RNF220: variants seen among roughly 807,000 people sequenced by gnomAD.
The protein encoded by RNF220 is E3 ubiquitin-protein ligase RNF220.
In RNF220, 7 loss-of-function variants were observed where a neutral mutation model predicts 67.1. The observed-to-expected ratio is 0.10, with a 90% CI of 0.06 to 0.20. The LOEUF is 0.20. RNF220 is among the 10% of genes least tolerant of loss of function. The pLI is 1.00. For missense variants in RNF220, 565 were observed against 740.3 expected (o/e 0.76, Z 2.75); for synonymous variants, 270 against 283.2 (o/e 0.95, Z 0.47).
At chr1:44,450,829 A>G (rs1557937972) in intron 2 of RNF220, among the ~76,000 whole-genome samples, 2 of 152,194 alleles carry the variant, frequency 1.3e-5, no homozygotes. Context: ...GCAAGTTTCT[A>G]GAAGTGGAAG....
At chr1:44,588,804 T>G (rs1306233853) in intron 2 of RNF220, among the ~76,000 whole-genome samples, 2 of 152,170 alleles carry the variant, frequency 1.3e-5, no homozygotes, top group African/African-American at 2.4e-5. Flanking sequence ...CAACCCTACC[T>G]GGGGTTCAGG....
chr1:44,526,017 A>G (rs531437414), intron 2 of RNF220, among the ~76,000 whole-genome samples: 13 of 152,196 alleles, frequency 8.5e-5, no homozygotes, highest in African/African-American at 3.1e-4. Flanking sequence ...TCCTAGCTTC[A>G]CTTTCTTTCC....
intron 2 of RNF220, among the ~76,000 whole-genome samples, chr1:44,602,271 G>C (rs770504178): frequency 2.0e-5 from 3 of 152,266 alleles, no homozygotes; most frequent in Non-Finnish European, 2.9e-5. Flanking sequence ...GTGGGCTGTA[G>C]CATGGTACTT....
intron 2 of RNF220, among the ~76,000 whole-genome samples, chr1:44,570,233 G>C (rs766187983): frequency 1.3e-5 from 2 of 152,200 alleles, no homozygotes. Flanking sequence ...GATCTAGTGA[G>C]GGTGGAGGTC....
intron 2 of RNF220, among the ~76,000 whole-genome samples, chr1:44,613,915 C>A (rs1643426538): frequency 1.3e-5 from 2 of 152,146 alleles, no homozygotes. Context: ...AAAAAATAGA[C>A]ATCCCATGGG....
chr1:44,493,996 C>CGAGACCAGCCT (rs1657094599), intron 2 of RNF220, among the ~76,000 whole-genome samples: 1 of 151,850 alleles, frequency 6.6e-6, no homozygotes, highest in Non-Finnish European at 1.5e-5. Context: ...GACTTCAGGT[C>CGAGACCAGCCT]AGGAGTTCGA....
At chr1:44,487,672 AAATAATAATAATAATAAT>A (rs537638294) in intron 2 of RNF220, among the ~76,000 whole-genome samples, 4 of 142,564 alleles carry the variant, frequency 2.8e-5, no homozygotes, top group African/African-American at 7.6e-5. Context: ...ATCTCTACTA[AAATAATAATAATAATAAT>A]AATAATAATA....
At chr1:44,436,156 T>C (rs1650947177) in intron 2 of RNF220, among the ~76,000 whole-genome samples, 1 of 151,984 alleles carries the variant, frequency 6.6e-6, no homozygotes, top group African/African-American at 2.4e-5. Context: ...CAGGGAGCTC[T>C]TGTCTTGTAT....
chr1:44,625,580 G>A (rs1163133040), intron 4 of RNF220, among the ~76,000 whole-genome samples: 1 of 152,164 alleles, frequency 6.6e-6, no homozygotes, highest in Non-Finnish European at 1.5e-5. Context: ...GGGGGAGGAA[G>A]TATGGATTGC....
At chr1:44,476,309 T>C (rs1424637141) in intron 2 of RNF220, among the ~76,000 whole-genome samples, 1 of 152,290 alleles carries the variant, frequency 6.6e-6, no homozygotes, top group East Asian at 1.9e-4. Flanking sequence ...GTTCATTTTA[T>C]TGGGCTTCAT....
chr1:44,513,343 C>T (rs2148131075), intron 2 of RNF220, among the ~76,000 whole-genome samples: 1 of 152,314 alleles, frequency 6.6e-6, no homozygotes, highest in Non-Finnish European at 1.5e-5. Context: ...GCCAGGCTGC[C>T]TCCCGCATGC....
At chr1:44,451,663 C>G (rs1211100370) in intron 2 of RNF220, among the ~76,000 whole-genome samples, 1 of 152,016 alleles carries the variant, frequency 6.6e-6, no homozygotes, top group Non-Finnish European at 1.5e-5. Context: ...GCTCTTGTCG[C>G]CCAGGCTAGA....
chr1:44,619,643 C>T (rs1643709619), intron 3 of RNF220, among the ~76,000 whole-genome samples: 1 of 152,106 alleles, frequency 6.6e-6, no homozygotes. Context: ...AATTTAAAAC[C>T]CATGGATCAC....
chr1:44,492,618 T>A (rs1656952387), intron 2 of RNF220, among the ~76,000 whole-genome samples: 1 of 152,242 alleles, frequency 6.6e-6, no homozygotes, highest in Non-Finnish European at 1.5e-5. Flanking sequence ...TGCTATAACA[T>A]GGAAGAACGT....
intron 2 of RNF220, among the ~76,000 whole-genome samples, chr1:44,479,902 C>G (rs150346903): frequency 1.3e-5 from 2 of 151,988 alleles, no homozygotes; most frequent in African/African-American, 4.8e-5. Flanking sequence ...CCTTAAGATC[C>G]CCTCCTTCAC....
chr1:44,645,796 C>T lies in RNF220; in HGVS notation c.1445+308C>T, dbSNP rs369435335. Among the ~76,000 whole-genome samples the T allele has an allele frequency of 6.6e-6, 1 of 152,262 alleles. No individual in the cohort carries two copies. The highest frequency in any genetic ancestry group is 1.5e-5 in the Non-Finnish European group (1 of 68,046). On this transcript the variant is annotated intron_variant, in intron 12 of 14. Coordinates refer to ENST00000361799, the MANE Select transcript of RNF220 (RefSeq NM_018150.4). The surrounding 1 kb of genome is among the most constrained non-coding windows in gnomAD (Gnocchi z 5.0). ...GTGATGTATGGCCGCCCAGCCCAGC[C>T]GGCACACTTGATTCATCTCCAGTTT...
intron 2 of RNF220, among the ~76,000 whole-genome samples, chr1:44,518,517 C>T (rs1659639166): frequency 6.6e-6 from 1 of 152,114 alleles, no homozygotes; most frequent in African/African-American, 2.4e-5. Context: ...GAAAATCCAA[C>T]ACAGGCCATC....
chr1:44,437,599 G>A (rs1270531473), intron 2 of RNF220, among the ~76,000 whole-genome samples: 1 of 152,166 alleles, frequency 6.6e-6, no homozygotes, highest in Admixed American at 6.5e-5. Flanking sequence ...ACTGGTTGGA[G>A]GGAGGAAAGA....
chr1:44,543,358 G>T (rs1419025908), intron 2 of RNF220, among the ~76,000 whole-genome samples: 2 of 152,166 alleles, frequency 1.3e-5, no homozygotes, highest in Non-Finnish European at 2.9e-5. Context: ...GGAGATCGTT[G>T]GTGGCTTTAT....
Sources: allele counts gnomAD v4.1 joint callset (sites outside exome capture counted in the v4.1 genomes callset), GRCh38; gene constraint gnomAD v4.1.1; non-coding constraint Gnocchi (gnomAD v3.1); transcripts MANE v1.5; gene names NCBI Gene and HGNC (gene_info 2026-07-23, HGNC 2026-07-21).